The following FAM135A variants were observed in gnomAD, a reference collection of about 807,000 sequenced individuals.
The protein encoded by FAM135A is family with sequence similarity 135 member A, also known as protein FAM135A.
A neutral mutation model predicts 146.8 loss-of-function variants in FAM135A; 79 were observed. The observed-to-expected ratio is 0.54, with a 90% CI of 0.45 to 0.65. The LOEUF (loss-of-function observed/expected upper bound fraction) is 0.65, where lower values mean the gene tolerates loss of function less well. Among genes scored for constraint, FAM135A ranks in the 30% least tolerant of loss-of-function variants. FAM135A has a pLI of 0.00. For missense variants in FAM135A, 1,623 were observed against 1,758.2 expected, an observed-to-expected ratio of 0.92 and a Z score of 1.38; for synonymous variants, 562 against 603.6, an observed-to-expected ratio of 0.93 and a Z score of 1.01.
chr6:70,548,317 G>C (rs1167352576), intron 20 of FAM135A, among the ~76,000 whole-genome samples: 13 of 152,088 alleles, frequency 8.5e-5, no homozygotes, highest in Admixed American at 5.9e-4. Flanking sequence ...TAAATAACTA[G>C]AAAACTGGTT....
At chr6:70,515,562 A>G (rs1482594569) in intron 12 of FAM135A, among the ~76,000 whole-genome samples, 1 of 152,152 alleles carries the variant, frequency 6.6e-6, no homozygotes, top group Non-Finnish European at 1.5e-5. Flanking sequence ...AAGAAAAACT[A>G]TGGTGACAGT....
chr6:70,419,479 A>G lies in FAM135A; in HGVS notation c.-134+4103A>G, dbSNP rs543618497. ...TTGCTTATTCCTTTAGAGAAGGCCC[A>G]AGAACATCAATGCAAAATTAGACTA... On this transcript the variant is annotated intron_variant, in intron 2 of 21. Coordinates refer to ENST00000418814, the MANE Select transcript of FAM135A (RefSeq NM_001162529.3). Among the ~76,000 whole-genome samples the G allele has an allele frequency of 3.9e-5, 6 of 152,366 alleles. No homozygotes were observed. In the East Asian group the frequency reaches 9.6e-4, roughly 24 times the overall value.
chr6:70,524,468 G>A lies in FAM135A; in HGVS notation c.1384G>A (p.Ala462Thr). The A allele has an allele frequency of 1.3e-6, 2 of 1,551,100 alleles. No homozygotes were observed. The highest frequency in any genetic ancestry group is 1.7e-6 in the Non-Finnish European group (2 of 1,146,734). The stretch of plus-strand genomic sequence containing the variant: ...TAGCCCAGAGTTGAAAGTCAGACCT[G>A]CTGGTGCCTCCAGTATTTGGTATAC... ...LSSPELKVRP[A>T]GASSIWYTEG... is the part of the protein sequence containing the mutation. The change falls in exon 15 of 22, where the codon GCT becomes ACT. Residue 462 changes from alanine (A) to threonine (T), a missense_variant. Ala to Thr is a moderately conservative substitution (Grantham distance 58, BLOSUM62 0). Around this residue, in one of 7 missense-constraint regions of FAM135A, gnomAD observed 1,061 missense variants for 1,113.8 expected, o/e 0.95. Transcript: ENST00000418814.
In FAM135A at chr6:70,559,708, T is replaced by C. The variant is rs754273075; in HGVS notation, c.4343-8T>C. 6.3e-7 allele frequency: 1 copy of C among 1,592,696 alleles called. No individual in the cohort carries two copies. ...AACTAATTTTCCTTTTTTCTGTTGG[T>C]TCCATAGGACAGATCTATTCAGAAA... On this transcript the variant is annotated splice_region_variant and splice_polypyrimidine_tract_variant and intron_variant, in intron 21 of 21. Coordinates refer to ENST00000418814, the MANE Select transcript of FAM135A (RefSeq NM_001162529.3).
intron 8 of FAM135A, among the ~76,000 whole-genome samples, chr6:70,479,860 G>T (rs1043172434): frequency 1.3e-5 from 2 of 151,908 alleles, no homozygotes; most frequent in African/African-American, 4.8e-5. Flanking sequence ...CTTTTTATTT[G>T]AACTGTTTCT....
chr6:70,506,629 G>A (rs948541455), intron 12 of FAM135A, among the ~76,000 whole-genome samples: 20 of 151,542 alleles, frequency 1.3e-4, no homozygotes, highest in African/African-American at 4.8e-4. Flanking sequence ...CTGTTTGAAG[G>A]TTATTTTTAG....
Position 70,524,918 on chromosome 6 carries a change from T to G in FAM135A, c.1834T>G (p.Leu612Val). The G allele has an allele frequency of 2.5e-6, 4 of 1,612,112 alleles. No individual in the cohort carries two copies. Among genetic ancestry groups the G allele is most frequent in the South Asian group, 2.2e-5 (2 of 90,568 alleles). ...NSGNLNLCAN[L>V]SISGKLDISQ... ...TGGCAACCTAAATCTTTGTGCAAATTTGTCCATTTCAGGTAAACTTGATAT... is the reference window on the plus strand; with the variant it reads ...TGGCAACCTAAATCTTTGTGCAAATGTGTCCATTTCAGGTAAACTTGATAT... Residue 612 changes from leucine (L) to valine (V), a missense_variant, in exon 15 of 22, where the codon TTG (leucine) becomes GTG (valine). Transcript: ENST00000418814.
chr6:70,497,740 A>G (rs1467537826), intron 11 of FAM135A, among the ~76,000 whole-genome samples: 1 of 152,110 alleles, frequency 6.6e-6, no homozygotes, highest in Non-Finnish European at 1.5e-5. Context: ...CCTTTTCTGC[A>G]TCTATTGAGA....
intron 7 of FAM135A, among the ~76,000 whole-genome samples, chr6:70,476,150 G>A (rs1321650561): frequency 1.3e-5 from 2 of 152,130 alleles, no homozygotes; most frequent in Admixed American, 1.3e-4. Context: ...CTTGACAGTT[G>A]TTCTAGTTCA....
chr6:70,465,245 A>G (rs577972440), intron 5 of FAM135A, among the ~76,000 whole-genome samples: 23 of 152,090 alleles, frequency 1.5e-4, no homozygotes, highest in Non-Finnish European at 2.9e-4. Flanking sequence ...TTTAATATGT[A>G]CATACCACAC....
At chr6:70,503,988 C>G (rs1789155973) in intron 12 of FAM135A, 1 of 152,230 alleles carries the variant, frequency 6.6e-6, no homozygotes, top group South Asian at 2.1e-4. Flanking sequence ...ACCAGTTTCT[C>G]TGAAATACTT....
In FAM135A at chr6:70,525,217, A is replaced by G. The variant is rs1344591681; in HGVS notation, c.2133A>G (p.Thr711=). 13 of 1,598,304 alleles carry G rather than the reference A, an allele frequency of 8.1e-6. No homozygotes were observed. The Admixed American group carries it at 1.2e-4, about 15-fold the overall frequency. Residue 711 remains threonine, a synonymous_variant, in exon 15 of 22, where the codon ACA becomes ACG. Transcript: ENST00000418814. ...GTAAATCTAAATCTATAGAAATAACATTTGAAAAGGAAGCTTTGCAAGAAG... is the reference window on the plus strand; with the variant it reads ...GTAAATCTAAATCTATAGAAATAACGTTTGAAAAGGAAGCTTTGCAAGAAG... ...SNGKSKSIEI[T]FEKEALQEAK... is the part of the protein sequence containing the mutation.
chr6:70,532,787 C>CT (rs1796070022), intron 16 of FAM135A, among the ~76,000 whole-genome samples: 1 of 152,176 alleles, frequency 6.6e-6, no homozygotes, highest in South Asian at 2.1e-4. Context: ...AAAATATTAG[C>CT]TGGGCATGGT....
chr6:70,529,534 T>TC (rs1017952937), intron 16 of FAM135A, among the ~76,000 whole-genome samples: 18 of 151,770 alleles, frequency 1.2e-4, no homozygotes, highest in African/African-American at 4.1e-4. Context: ...CAAAGAATTA[T>TC]CCCCCAAGAA....
At chr6:70,559,173 G>T (rs1801468721) in intron 21 of FAM135A, among the ~76,000 whole-genome samples, 1 of 152,212 alleles carries the variant, frequency 6.6e-6, no homozygotes, top group East Asian at 1.9e-4. Context: ...GGGCGCAGGG[G>T]CTCACGCCTG....
intron 5 of FAM135A, among the ~76,000 whole-genome samples, chr6:70,463,511 C>T (rs2128106395): frequency 6.6e-6 from 1 of 152,186 alleles, no homozygotes. Context: ...CTTCTCACCT[C>T]TGCCTCCCAA....
In FAM135A at chr6:70,526,959, G is replaced by A. The variant is rs762009161; in HGVS notation, c.3614+261G>A. 9.2e-5 allele frequency among the ~76,000 whole-genome samples: 14 copies of A among 152,050 alleles called. 1 individual carries two copies. Among genetic ancestry groups the A allele is most frequent in the Middle Eastern group, 3.4e-3 (1 of 294 alleles). Reference sequence around the variant, plus strand: ...ACAGACCTATAGTTGCTGAATGATCGTGCTGTTCTGCTGTTCTATAGGATA... The same window carrying A: ...ACAGACCTATAGTTGCTGAATGATCATGCTGTTCTGCTGTTCTATAGGATA... On this transcript the variant is annotated intron_variant, in intron 15 of 21. Coordinates refer to ENST00000418814, the MANE Select transcript of FAM135A (RefSeq NM_001162529.3).
chr6:70,506,138 G>A (rs1478131669), intron 12 of FAM135A, among the ~76,000 whole-genome samples: 2 of 152,096 alleles, frequency 1.3e-5, no homozygotes, highest in Admixed American at 1.3e-4. Context: ...TATCAGAAAG[G>A]TAGCCAGTTT....
intron 10 of FAM135A, among the ~76,000 whole-genome samples, chr6:70,483,285 T>C (rs559822064): frequency 5.3e-5 from 8 of 152,338 alleles, no homozygotes; most frequent in African/African-American, 9.6e-5. Flanking sequence ...GACATAGATA[T>C]CACTAAATTG....
Sources: allele counts gnomAD v4.1 joint callset (sites outside exome capture counted in the v4.1 genomes callset), GRCh38; gene constraint gnomAD v4.1.1; regional missense constraint gnomAD v4.1.1; transcripts MANE v1.5; gene names NCBI Gene and HGNC (gene_info 2026-07-23, HGNC 2026-07-21).